CNTNAP5: variants seen among roughly 807,000 people sequenced by gnomAD.
CNTNAP5 encodes contactin-associated protein-like 5.
A neutral mutation model predicts 150.2 loss-of-function variants in CNTNAP5; 72 were observed. That is an observed-to-expected ratio of 0.48 (90% CI 0.40 to 0.58). The LOEUF (loss-of-function observed/expected upper bound fraction) is 0.58. CNTNAP5 is among the 20% of genes least tolerant of loss of function. The probability of loss-of-function intolerance (pLI) is 0.00; values close to 1 mark genes in which losing one functional copy is unlikely to be tolerated. For synonymous variants in CNTNAP5, 672 were observed against 619.8 expected (o/e 1.08, Z -1.25); for missense variants, 1,636 against 1,626.2 (o/e 1.01, Z -0.10).
At chr2:124,298,407 A>G (rs541255132) in intron 3 of CNTNAP5, among the ~76,000 whole-genome samples, 4 of 152,244 alleles carry the variant, frequency 2.6e-5, no homozygotes, top group Non-Finnish European at 4.4e-5. Context: ...ATATCACCAG[A>G]CCAACTCAAA....
At chr2:124,585,020 C>G (rs940953283) in intron 11 of CNTNAP5, among the ~76,000 whole-genome samples, 2 of 152,200 alleles carry the variant, frequency 1.3e-5, no homozygotes, top group Non-Finnish European at 1.5e-5. Context: ...TTAGCAGGCT[C>G]TTTCCCCAGA....
intron 16 of CNTNAP5, among the ~76,000 whole-genome samples, chr2:124,771,839 T>C (rs1681201867): frequency 6.6e-6 from 1 of 150,614 alleles, no homozygotes; most frequent in South Asian, 2.1e-4. Flanking sequence ...ACCACCACTA[T>C]CAACACCACC....
chr2:124,617,023 C>T (rs1677507389), intron 12 of CNTNAP5, among the ~76,000 whole-genome samples: 3 of 152,004 alleles, frequency 2.0e-5, no homozygotes, highest in South Asian at 2.1e-4. Context: ...GTGGTGGATT[C>T]GTGGCTCTTG....
At chr2:124,118,523 A>G (rs1022192236) in intron 1 of CNTNAP5, among the ~76,000 whole-genome samples, 1 of 152,208 alleles carries the variant, frequency 6.6e-6, no homozygotes, top group African/African-American at 2.4e-5. Context: ...GTACACCATC[A>G]TGACCCAATC....
chr2:124,254,205 G>T (rs545257506), intron 3 of CNTNAP5, among the ~76,000 whole-genome samples: 1 of 152,290 alleles, frequency 6.6e-6, no homozygotes, highest in Non-Finnish European at 1.5e-5. Context: ...AAGAAAACTT[G>T]AATGCTGACC....
At chr2:124,198,469 T>C (rs1359330983) in intron 1 of CNTNAP5, among the ~76,000 whole-genome samples, 18 of 152,044 alleles carry the variant, frequency 1.2e-4, no homozygotes, top group Non-Finnish European at 8.8e-5. Context: ...TTTTCATGAG[T>C]ATACTGCGTG....
At chr2:124,159,889 G>A (rs1684633068) in intron 1 of CNTNAP5, among the ~76,000 whole-genome samples, 1 of 152,122 alleles carries the variant, frequency 6.6e-6, no homozygotes, top group Admixed American at 6.5e-5. Flanking sequence ...AGGGATAAAT[G>A]CATTTGAAGA....
chr2:124,062,315 A>G (rs1028945571), intron 1 of CNTNAP5, among the ~76,000 whole-genome samples: 4 of 152,078 alleles, frequency 2.6e-5, no homozygotes, highest in African/African-American at 9.7e-5. Context: ...ACTCCTCTGC[A>G]TCTTTATTGT....
Position 124,713,794 on chromosome 2 carries a change from C to T in CNTNAP5, c.2078-33435C>T, listed in dbSNP as rs76698047. ...AAACCTGATCTTCTCTTGTGCTAAT[C>T]GCCCAATGCCTCACAGTTACCTTTA... On this transcript the variant is annotated intron_variant, in intron 13 of 23. Transcript: ENST00000682447. Among the ~76,000 whole-genome samples, 213 of 152,220 alleles carry T rather than the reference C, an allele frequency of 1.4e-3. 5 individuals carry two copies. In the East Asian group the frequency reaches 0.034, roughly 24 times the overall value.
At chr2:124,121,147 C>T (rs1683551082) in intron 1 of CNTNAP5, among the ~76,000 whole-genome samples, 1 of 151,884 alleles carries the variant, frequency 6.6e-6, no homozygotes, top group Non-Finnish European at 1.5e-5. Flanking sequence ...TACACACACA[C>T]ACACACACAC....
intron 3 of CNTNAP5, among the ~76,000 whole-genome samples, chr2:124,284,649 A>T (rs776985278): frequency 3.9e-5 from 6 of 152,148 alleles, no homozygotes; most frequent in Non-Finnish European, 7.4e-5. Flanking sequence ...AAAAAGAACC[A>T]AAAAGAGAGC....
intron 12 of CNTNAP5, among the ~76,000 whole-genome samples, chr2:124,641,126 CAAAAAAAA>C (rs78602781): frequency 4.1e-5 from 4 of 98,496 alleles, no homozygotes; most frequent in South Asian, 3.7e-4. Context: ...AACTCCATCT[CAAAAAAAA>C]AAAAAAAAAA....
chr2:124,259,567 G>A (rs531019181), intron 3 of CNTNAP5, among the ~76,000 whole-genome samples: 7 of 152,276 alleles, frequency 4.6e-5, no homozygotes, highest in South Asian at 2.1e-4. Flanking sequence ...GTGTGAGATG[G>A]TATCTCATTG....
intron 7 of CNTNAP5, among the ~76,000 whole-genome samples, chr2:124,485,706 C>A (rs1450219486): frequency 6.6e-6 from 1 of 151,472 alleles, no homozygotes; most frequent in Non-Finnish European, 1.5e-5. Context: ...ACTTAGGTCC[C>A]AGCTTCCTGC....
intron 23 of CNTNAP5, among the ~76,000 whole-genome samples, chr2:124,912,623 T>C (rs1348891815): frequency 6.6e-6 from 1 of 152,138 alleles, no homozygotes; most frequent in Non-Finnish European, 1.5e-5. Context: ...TAATTTTTGT[T>C]TGGCATAGAG....
intron 12 of CNTNAP5, among the ~76,000 whole-genome samples, chr2:124,631,840 T>C (rs1399944995): frequency 6.6e-6 from 1 of 152,084 alleles, no homozygotes; most frequent in African/African-American, 2.4e-5. Flanking sequence ...AGGTCTAATA[T>C]CCAGAATCTA....
At chr2:124,262,533 AC>A (rs1467407730) in intron 3 of CNTNAP5, among the ~76,000 whole-genome samples, 6 of 152,072 alleles carry the variant, frequency 3.9e-5, no homozygotes, top group Non-Finnish European at 7.4e-5. Flanking sequence ...TCCCCGGTTC[AC>A]CTTTTACTTC....
intron 1 of CNTNAP5, among the ~76,000 whole-genome samples, chr2:124,079,382 G>A (rs1682507771): frequency 6.6e-6 from 1 of 152,082 alleles, no homozygotes; most frequent in Non-Finnish European, 1.5e-5. Flanking sequence ...TCTGCTCTGG[G>A]CCACAGCTGT....
rs1476241094 is a variant in CNTNAP5 at position 124,798,096 on chromosome 2, A to C, written c.2993A>C (p.Glu998Ala). 1 of 1,604,444 alleles carries C rather than the reference A, an allele frequency of 6.2e-7. No individual in the cohort carries two copies. Among genetic ancestry groups the C allele is most frequent in the African/African-American group, 1.3e-5 (1 of 74,786 alleles). ...SPYEGPFCKKEVSAVFEAGTS... is the reference protein window; with the variant it reads ...SPYEGPFCKKAVSAVFEAGTS... ...TGCTCTCCCCTCTTATATTTTGCAG[A>C]GGTTTCTGCTGTTTTTGAGGCTGGC... The change falls in exon 19 of 24, where the codon GAG (glutamate) becomes GCG (alanine). Residue 998 changes from glutamate to alanine, a missense_variant and splice_region_variant. Coordinates refer to ENST00000682447, the MANE Select transcript of CNTNAP5 (RefSeq NM_001367498.1).
Sources: allele counts gnomAD v4.1 joint callset (sites outside exome capture counted in the v4.1 genomes callset), GRCh38; gene constraint gnomAD v4.1.1; transcripts MANE v1.5; gene names NCBI Gene and HGNC (gene_info 2026-07-23, HGNC 2026-07-21).